The following NEK10 variants were observed in gnomAD, a reference collection of about 807,000 sequenced individuals.
NEK10 encodes serine/threonine-protein kinase Nek10.
Under a neutral mutation model 159.8 loss-of-function variants are expected in NEK10, and 122 were observed. The observed-to-expected ratio is 0.76, with a 90% CI of 0.66 to 0.89. The LOEUF is 0.89. Among genes scored for constraint, NEK10 ranks in the 40% least tolerant of loss-of-function variants. The pLI is 0.00. For missense variants in NEK10, 1,342 were observed against 1,323.1 expected (o/e 1.01, Z -0.22); for synonymous variants, 466 against 457.1 (o/e 1.02, Z -0.25).
At chr3:27,144,692 C>T (rs73141424) in intron 30 of NEK10, among the ~76,000 whole-genome samples, 2,665 of 152,178 alleles carry the variant, frequency 0.018, 85 homozygotes, top group African/African-American at 0.061. Context: ...TGTAAATGCT[C>T]TTTAGATATT....
chr3:27,186,065 G>T lies in NEK10; in HGVS notation c.2505+5964C>A, dbSNP rs11717372. Among the ~76,000 whole-genome samples the T allele has an allele frequency of 1.3e-3, 200 of 152,190 alleles. 3 individuals are homozygous for T. The highest frequency in any genetic ancestry group is 0.011 in the East Asian group (57 of 5,174). ...CAGAACATGGCTGATCAAGGGAGGAGAATCCATTCACTGTGGACTTGCCGA... is the reference window on the plus strand; with the variant it reads ...CAGAACATGGCTGATCAAGGGAGGATAATCCATTCACTGTGGACTTGCCGA... On this transcript the variant is annotated intron_variant, in intron 26 of 35. Coordinates refer to ENST00000691995, the MANE Select transcript of NEK10 (RefSeq NM_001394966.1).
At chr3:27,252,338 T>G (rs1429407457) in intron 23 of NEK10, 2 of 373,144 alleles carry the variant, frequency 5.4e-6, no homozygotes, top group African/African-American at 4.1e-5. Context: ...AGTAAAGAAG[T>G]AAACTCTGCA....
intron 5 of NEK10, among the ~76,000 whole-genome samples, chr3:27,334,624 C>G (rs1343937716): frequency 6.6e-5 from 10 of 152,208 alleles, no homozygotes; most frequent in Admixed American, 4.6e-4. Flanking sequence ...TCTCAGATAT[C>G]ACTGACACTG....
chr3:27,351,897 G>C (rs542968646), intron 3 of NEK10, among the ~76,000 whole-genome samples: 1 of 151,922 alleles, frequency 6.6e-6, no homozygotes, highest in East Asian at 1.9e-4. Flanking sequence ...AGTCTCACAG[G>C]TGCAAAACCA....
At chr3:27,264,169 T>C (rs2040676750) in intron 22 of NEK10, among the ~76,000 whole-genome samples, 1 of 152,036 alleles carries the variant, frequency 6.6e-6, no homozygotes, top group Non-Finnish European at 1.5e-5. Context: ...ACACTGCCAA[T>C]ATAGAAAAAT....
At chr3:27,292,721 CT>C (rs1184131981) in intron 16 of NEK10, among the ~76,000 whole-genome samples, 1 of 147,038 alleles carries the variant, frequency 6.8e-6, no homozygotes, top group Non-Finnish European at 1.5e-5. Context: ...GTAGTCCCAG[CT>C]ACTCAGGAGG....
chr3:27,332,543 C>T (rs1358699808), intron 5 of NEK10, among the ~76,000 whole-genome samples: 1 of 152,176 alleles, frequency 6.6e-6, no homozygotes, highest in Non-Finnish European at 1.5e-5. Flanking sequence ...AGCTCAGCTC[C>T]ATCACTTTCA....
chr3:27,212,686 G>A (rs543283816), intron 23 of NEK10, among the ~76,000 whole-genome samples: 10 of 152,320 alleles, frequency 6.6e-5, no homozygotes, highest in East Asian at 5.8e-4. Flanking sequence ...AGTTATTTCC[G>A]GGAAGTAGAT....
chr3:27,151,286 T>G (rs1944846050), intron 30 of NEK10, among the ~76,000 whole-genome samples: 1 of 152,094 alleles, frequency 6.6e-6, no homozygotes, highest in Non-Finnish European at 1.5e-5. Flanking sequence ...GAACAGGCAC[T>G]GGCACCCACG....
At chr3:27,208,525 A>G (rs1287226345) in intron 23 of NEK10, among the ~76,000 whole-genome samples, 1 of 152,218 alleles carries the variant, frequency 6.6e-6, no homozygotes, top group Non-Finnish European at 1.5e-5. Context: ...GGACAAGCCC[A>G]CTAATGTGGT....
At chr3:27,163,706 G>C (rs1168270216) in intron 29 of NEK10, among the ~76,000 whole-genome samples, 2 of 152,060 alleles carry the variant, frequency 1.3e-5, no homozygotes, top group Non-Finnish European at 2.9e-5. Flanking sequence ...TCTGTGCCCT[G>C]ACAAGTTGTA....
Position 27,161,034 on chromosome 3 carries a change from T to C in NEK10, c.2869+1667A>G, listed in dbSNP as rs77734933. 5.6e-3 allele frequency among the ~76,000 whole-genome samples: 858 copies of C among 152,330 alleles called. 7 individuals are homozygous for C. The highest frequency in any genetic ancestry group is 0.02 in the African/African-American group (816 of 41,566). On this transcript the variant is annotated intron_variant, in intron 30 of 35. Transcript: ENST00000691995. ...AAAGAAATGTATGTAAACTCTGCCA[T>C]AATGTAAATAGTTTGTTTAAAGGTC...
At chr3:27,142,899 G>A (rs563852695) in intron 30 of NEK10, among the ~76,000 whole-genome samples, 2 of 152,290 alleles carry the variant, frequency 1.3e-5, no homozygotes, top group African/African-American at 4.8e-5. Flanking sequence ...TAGCTCATCT[G>A]CAGTTAATAC....
chr3:27,186,719 T>C (rs961296196), intron 26 of NEK10, among the ~76,000 whole-genome samples: 1 of 152,220 alleles, frequency 6.6e-6, no homozygotes, highest in African/African-American at 2.4e-5. Flanking sequence ...GCCTGACACC[T>C]ATTAGGCACT....
chr3:27,338,459 G>T (rs1328240155), intron 5 of NEK10, among the ~76,000 whole-genome samples: 1 of 152,192 alleles, frequency 6.6e-6, no homozygotes, highest in African/African-American at 2.4e-5. Context: ...CAGTAATGGG[G>T]ATTGCTGGGT....
intron 23 of NEK10, chr3:27,206,452 G>A (rs888077250): frequency 4.2e-6 from 1 of 237,010 alleles, no homozygotes; most frequent in Non-Finnish European, 6.9e-6. Flanking sequence ...CTGGAGAGGA[G>A]GTAAGGTGGC....
At chr3:27,203,874 T>C (rs1371575552) in intron 23 of NEK10, among the ~76,000 whole-genome samples, 3 of 152,200 alleles carry the variant, frequency 2.0e-5, no homozygotes, top group Admixed American at 6.5e-5. Flanking sequence ...AGCATTTTCA[T>C]ATTTAGTGTT....
intron 1 of NEK10, among the ~76,000 whole-genome samples, chr3:27,358,752 A>T (rs1388166752): frequency 6.6e-6 from 1 of 152,232 alleles, no homozygotes; most frequent in African/African-American, 2.4e-5. Flanking sequence ...AGGTGGCCTC[A>T]TATTTACTAA....
chr3:27,183,994 A>C (rs1948381376), intron 26 of NEK10, among the ~76,000 whole-genome samples: 1 of 152,194 alleles, frequency 6.6e-6, no homozygotes, highest in Admixed American at 6.5e-5. Context: ...TGAAAGTGTT[A>C]AACAGTACAA....
Sources: allele counts gnomAD v4.1 joint callset (sites outside exome capture counted in the v4.1 genomes callset), GRCh38; gene constraint gnomAD v4.1.1; transcripts MANE v1.5; gene names NCBI Gene and HGNC (gene_info 2026-07-23, HGNC 2026-07-21).